The following HSP90B1 variants were observed in gnomAD, a reference collection of about 807,000 sequenced individuals.
HSP90B1 encodes heat shock protein 90 beta family member 1.
HSP90B1 carries 27 observed loss-of-function variants against 100.4 expected under a neutral mutation model. That is an observed-to-expected ratio of 0.27 (90% CI 0.20 to 0.37). The LOEUF (loss-of-function observed/expected upper bound fraction) is 0.37. Among genes scored for constraint, HSP90B1 ranks in the 10% least tolerant of loss-of-function variants. The pLI is 1.00. For synonymous variants in HSP90B1, 304 were observed against 330.8 expected, an observed-to-expected ratio of 0.92 and a Z score of 0.88; for missense variants, 678 against 960.5, an observed-to-expected ratio of 0.71 and a Z score of 3.89.
At position 103,942,578 on chromosome 12, in the gene HSP90B1, G is replaced by C; in HGVS notation, c.1426G>C (p.Ala476Pro). The part of the protein sequence containing the change: ...RKTLDMIKKI[A>P]DDKYNDTFWK... ...AACGCTGGACATGATCAAGAAGATT[G>C]CTGATGATAAATACAATGATACTTT... The change falls in exon 12 of 18, where the codon GCT becomes CCT. Residue 476 changes from alanine (A) to proline (P), a missense_variant. Ala to Pro is a conservative substitution (Grantham distance 27). This residue lies in a region of HSP90B1 where 170 missense variants were observed against 236.7 expected (regional missense o/e 0.72). Transcript: ENST00000299767. 6.2e-7 allele frequency: 1 copy of C among 1,613,918 alleles called. No individual in the cohort carries two copies. The highest frequency in any genetic ancestry group is 2.2e-5 in the East Asian group (1 of 44,880).
At chr12:103,935,404 C>T (rs1370487553) in intron 5 of HSP90B1, among the ~76,000 whole-genome samples, 1 of 152,158 alleles carries the variant, frequency 6.6e-6, no homozygotes, top group East Asian at 1.9e-4. Context: ...GGTCAGTTGG[C>T]TTGCCAACTC....
Position 103,943,165 on chromosome 12 carries a change from C to T in HSP90B1, c.1736C>T (p.Ala579Val), listed in dbSNP as rs952874243. Residue 579 changes from alanine to valine, a missense_variant, in exon 13 of 18, where the codon GCC becomes GTC. Physicochemically the swap from Ala to Val is moderately conservative, Grantham distance 64 (BLOSUM62 0). Coordinates refer to ENST00000299767, the MANE Select transcript of HSP90B1 (RefSeq NM_003299.3). This position sits in a 1 kb window ranked among gnomAD's most constrained non-coding sequence, Gnocchi z 5.3. ...CCTGTGGATGAATACTGTATTCAGG[C>T]CCTTCCCGAATTTGATGGGAAGAGG... Reference protein sequence around the residue: ...TEPVDEYCIQALPEFDGKRFQ... With the variant: ...TEPVDEYCIQVLPEFDGKRFQ... The T allele has an allele frequency of 3.1e-6, 5 of 1,614,110 alleles. No individual in the cohort carries two copies. Among genetic ancestry groups the T allele is most frequent in the African/African-American group, 1.3e-5 (1 of 75,012 alleles).
intron 17 of HSP90B1, 89 bp from the exon 18 acceptor site, chr12:103,947,544 A>C: frequency 6.3e-7 from 1 of 1,583,398 alleles, no homozygotes; most frequent in Non-Finnish European, 8.6e-7. Context: ...CTGAGCATTT[A>C]AATTGTTTAT....
intron 5 of HSP90B1, among the ~76,000 whole-genome samples, chr12:103,936,322 T>G (rs1869912977): frequency 6.6e-6 from 1 of 152,172 alleles, no homozygotes. Context: ...TCTGTTTAGC[T>G]TGAAAGCAGG....
At chr12:103,940,084 T>G (rs2136215587) in intron 8 of HSP90B1, among the ~76,000 whole-genome samples, 1 of 152,334 alleles carries the variant, frequency 6.6e-6, no homozygotes, top group Admixed American at 6.5e-5. Context: ...ATATGTGATT[T>G]TTTTAAAAAA....
intron 10 of HSP90B1, 48 bp downstream of exon 10, chr12:103,941,754 G>T (rs770884861): frequency 1.9e-6 from 3 of 1,599,474 alleles, no homozygotes; most frequent in Non-Finnish European, 1.7e-6. Flanking sequence ...TGGGGGTCTG[G>T]CAGTGTAGAG....
In HSP90B1 at chr12:103,934,133, G is replaced by A; in HGVS notation, c.589G>A (p.Val197Ile). ...TTCTGAATTGATTGGCCAGTTTGGTGTCGGTTTCTATTCCGCCTTCCTTGT... is the reference window on the plus strand; with the variant it reads ...TTCTGAATTGATTGGCCAGTTTGGTATCGGTTTCTATTCCGCCTTCCTTGT... ...STSELIGQFGVGFYSAFLVAD... is the reference protein window; with the variant it reads ...STSELIGQFGIGFYSAFLVAD... Residue 197 changes from valine (V) to isoleucine (I), a missense_variant, in exon 5 of 18, where the codon GTC becomes ATC. By Grantham distance (29) the Val-to-Ile change is conservative (BLOSUM62 3). Transcript: ENST00000299767. 3.1e-6 allele frequency: 5 copies of A among 1,614,232 alleles called. No individual in the cohort carries two copies. The highest frequency in any genetic ancestry group is 3.4e-6 in the Non-Finnish European group (4 of 1,180,046).
At position 103,930,429 on chromosome 12, in the gene HSP90B1, T is replaced by C; in HGVS notation, c.-87T>C. 7.9e-7 allele frequency: 1 copy of C among 1,261,120 alleles called. No individual in the cohort carries two copies. The highest frequency in any genetic ancestry group is 1.1e-6 in the Non-Finnish European group (1 of 917,912). The allele number at this position is 1,261,120 out of a possible 1,614,324, so 78.1% of individuals were successfully genotyped here. A position where few individuals can be genotyped will look rare whatever the true frequency, so the allele number is the denominator to read the frequency against. On this transcript the variant is annotated 5_prime_UTR_variant, in exon 1 of 18. Coordinates refer to ENST00000299767, the MANE Select transcript of HSP90B1 (RefSeq NM_003299.3). This position sits in a 1 kb window ranked among gnomAD's most constrained non-coding sequence, Gnocchi z 4.4. The stretch of plus-strand genomic sequence containing the variant: ...CGGTGTAGTGGGCGGACCGCGCGGC[T>C]GGAGGTGTGAGGATCCGAACCCAGG...
chr12:103,933,270 C>G (rs569820742), intron 4 of HSP90B1, among the ~76,000 whole-genome samples: 1 of 152,342 alleles, frequency 6.6e-6, no homozygotes, highest in Admixed American at 6.5e-5. Flanking sequence ...GTTTGCCAGC[C>G]CCTGGCTTAA....
chr12:103,931,488 A>G lies in HSP90B1; in HGVS notation c.50-33A>G, dbSNP rs1250152168. The stretch of plus-strand genomic sequence containing the variant: ...TGATCATCCTCCTTGGAGAAGTGTG[A>G]TGTTGAAGAGTTTGCCCGTGTTAAA... On this transcript the variant is annotated intron_variant, in intron 1 of 17. Coordinates refer to ENST00000299767, the MANE Select transcript of HSP90B1 (RefSeq NM_003299.3). The G allele has an allele frequency of 2.6e-6, 4 of 1,510,250 alleles. No individual in the cohort carries two copies. The African/African-American group carries it at 5.5e-5, about 21-fold the overall frequency. 93.6% of individuals were successfully genotyped at this position (1,510,250 alleles called of 1,614,324 possible).
chr12:103,944,030 C>T (rs1247711721), intron 14 of HSP90B1, among the ~76,000 whole-genome samples, 156 bp downstream of exon 14: 1 of 152,026 alleles, frequency 6.6e-6, no homozygotes, highest in Non-Finnish European at 1.5e-5. Flanking sequence ...GGGATTTCTC[C>T]TACATTTGAT....
chr12:103,946,460 CAT>C, intron 14 of HSP90B1, among the ~76,000 whole-genome samples, 156 bp from the exon 15 acceptor site: 1 of 151,728 alleles, frequency 6.6e-6, no homozygotes, highest in African/African-American at 2.4e-5. Context: ...AAAAAAATAG[CAT>C]ATAAGTTCAA....
chr12:103,936,883 A>C (rs1032031516), intron 5 of HSP90B1, among the ~76,000 whole-genome samples: 1 of 152,134 alleles, frequency 6.6e-6, no homozygotes, highest in African/African-American at 2.4e-5. Flanking sequence ...TTGTCATATC[A>C]TGGCTACTTA....
In HSP90B1 at chr12:103,942,675, A is replaced by C. The variant is rs997420214; in HGVS notation, c.1523A>C (p.Lys508Thr). The C allele has an allele frequency of 9.9e-6, 16 of 1,613,986 alleles. No individual in the cohort carries two copies. The highest frequency in any genetic ancestry group is 1.4e-5 in the Non-Finnish European group (16 of 1,179,866). Reference sequence around the variant, plus strand: ...CACTCGAATCGAACACGTCTTGCTAAACTTCTTAGGTTCCAGTCTTCTCAT... The same window carrying C: ...CACTCGAATCGAACACGTCTTGCTACACTTCTTAGGTTCCAGTCTTCTCAT... ...EDHSNRTRLA[K>T]LLRFQSSHHP... is the part of the protein sequence containing the mutation. The change falls in exon 12 of 18, where the codon AAA becomes ACA. Residue 508 changes from lysine to threonine, a missense_variant. Coordinates refer to ENST00000299767, the MANE Select transcript of HSP90B1 (RefSeq NM_003299.3).
intron 2 of HSP90B1, 26 bp downstream of exon 2, chr12:103,931,649 T>C (rs1221297584): frequency 6.6e-7 from 1 of 1,507,448 alleles, no homozygotes; most frequent in Admixed American, 1.7e-5. Context: ...AACTTACGTA[T>C]ACAGATAAGC....
At position 103,943,317 on chromosome 12, in the gene HSP90B1, A is replaced by T. The variant is rs1387737442; in HGVS notation, c.1888A>T (p.Lys630Ter). Residue 630 changes from lysine (K) to a stop codon, truncating the protein, a stop_gained and splice_region_variant, in exon 13 of 18, where the codon AAG (lysine) becomes TAG (stop). Coordinates refer to ENST00000299767, the MANE Select transcript of HSP90B1 (RefSeq NM_003299.3). LOFTEE classifies it high-confidence loss of function. This position sits in a 1 kb window ranked among gnomAD's most constrained non-coding sequence, Gnocchi z 5.3. ...GATGAAAGATAAAGCCCTTAAGGAC[A>T]AGGTACTGTGGAAATTACAAATTGT... ...NWMKDKALKD[K>*]IEKAVVSQRL... is the part of the protein sequence containing the mutation. 1 of 1,613,744 alleles carries T rather than the reference A, an allele frequency of 6.2e-7. No homozygotes were observed. The highest frequency in any genetic ancestry group is 8.5e-7 in the Non-Finnish European group (1 of 1,179,770).
chr12:103,946,657 C>G lies in HSP90B1; in HGVS notation c.2067C>G (p.Pro689=), dbSNP rs969115554. 1.2e-6 allele frequency: 2 copies of G among 1,613,976 alleles called. No homozygotes were observed. Among genetic ancestry groups the G allele is most frequent in the Non-Finnish European group, 1.7e-6 (2 of 1,179,886 alleles). ...AGAAGAAAACATTTGAAATTAATCC[C>G]AGACACCCGCTGATCAGAGACATGC... ...ASQKKTFEIN[P]RHPLIRDMLR... The change falls in exon 15 of 18, where the codon CCC becomes CCG. Residue 689 remains proline, a synonymous_variant. Transcript: ENST00000299767.
At chr12:103,939,866 A>G (rs1168161463) in intron 8 of HSP90B1, among the ~76,000 whole-genome samples, 1 of 152,216 alleles carries the variant, frequency 6.6e-6, no homozygotes, top group African/African-American at 2.4e-5. Flanking sequence ...CTCAGTAGAG[A>G]TGGTCTTTGA....
In HSP90B1 at chr12:103,939,367, TGCTAGGATTACAGGCGTGAGCC is replaced by T. The variant is rs1352186653; in HGVS notation, c.976-141_976-120del. On this transcript the variant is annotated intron_variant, in intron 7 of 17. Coordinates refer to ENST00000299767, the MANE Select transcript of HSP90B1 (RefSeq NM_003299.3). The stretch of plus-strand genomic sequence containing the variant: ...GTTCTCCTACCCTAACCTCCCAAAG[TGCTAGGATTACAGGCGTGAGCC>T]ACCACACCAGTCCTCTGGGTCTTTA... 14 of 374,288 alleles carry T rather than the reference TGCTAGGATTACAGGCGTGAGCC, an allele frequency of 3.7e-5. No individual in the cohort carries two copies. The Admixed American group carries it at 5.9e-4, about 16-fold the overall frequency. The allele number at this position is 374,288 out of a possible 1,614,324, so 23.2% of individuals were successfully genotyped here.
Sources: gnomAD v4.1 joint callset for allele counts (sites outside exome capture counted in the v4.1 genomes callset) on GRCh38, gnomAD v4.1.1 for gene constraint, gnomAD v4.1.1 regional missense constraint, Gnocchi (gnomAD v3.1) non-coding constraint, MANE v1.5 for transcripts, NCBI Gene and HGNC (gene_info 2026-07-23, HGNC 2026-07-21) for gene names.